Variants in DLC1 observed in about 807,000 individuals in gnomAD.
DLC1 encodes rho GTPase-activating protein 7.
DLC1 carries 54 observed loss-of-function variants against 140.3 expected under a neutral mutation model. That is an observed-to-expected ratio of 0.38 (90% CI 0.31 to 0.48). The LOEUF (loss-of-function observed/expected upper bound fraction) is 0.48, where lower values mean the gene tolerates loss of function less well. Ranked by LOEUF, DLC1 falls within the 20% of genes least tolerant of loss-of-function variation. DLC1 has a pLI of 0.96. For synonymous variants in DLC1, 986 were observed against 728.1 expected (o/e 1.35, Z -5.70); for missense variants, 2,536 against 1,907.0 (o/e 1.33, Z -6.14).
intron 1 of DLC1, among the ~76,000 whole-genome samples, chr8:13,577,967 A>C (rs1804904378): frequency 6.6e-6 from 1 of 152,050 alleles, no homozygotes; most frequent in Non-Finnish European, 1.5e-5. Context: ...TGGAAGCATG[A>C]ATGTTTATTC....
intron 5 of DLC1, among the ~76,000 whole-genome samples, chr8:13,254,368 G>A (rs1475942889): frequency 6.6e-6 from 1 of 152,074 alleles, no homozygotes; most frequent in East Asian, 1.9e-4. Context: ...CTGCAAGGAT[G>A]AACTTCTGGG....
intron 2 of DLC1, among the ~76,000 whole-genome samples, chr8:13,495,363 C>G (rs866104985): frequency 2.0e-5 from 3 of 152,138 alleles, no homozygotes; most frequent in Non-Finnish European, 2.9e-5. Flanking sequence ...TCTCCCTCCT[C>G]CAGACTACTT....
At chr8:13,492,271 G>C (rs1422555082) in intron 2 of DLC1, among the ~76,000 whole-genome samples, 1 of 151,992 alleles carries the variant, frequency 6.6e-6, no homozygotes, top group Non-Finnish European at 1.5e-5. Flanking sequence ...CAATGATTTA[G>C]CTCCATCAGC....
intron 2 of DLC1, among the ~76,000 whole-genome samples, chr8:13,468,657 G>A (rs73555472): frequency 0.096 from 14,587 of 151,610 alleles, 1,119 homozygotes; most frequent in African/African-American, 0.21. Context: ...TTACAGAGGT[G>A]CATCAGCATG....
At chr8:13,093,888 C>A (rs1214377433) in intron 12 of DLC1, among the ~76,000 whole-genome samples, 4 of 152,216 alleles carry the variant, frequency 2.6e-5, no homozygotes, top group African/African-American at 9.7e-5. Flanking sequence ...AAGCCATAAT[C>A]CTGATCTTGA....
intron 5 of DLC1, among the ~76,000 whole-genome samples, chr8:13,120,995 C>T (rs933450834): frequency 3.0e-4 from 45 of 152,198 alleles, no homozygotes; most frequent in Admixed American, 2.4e-3. Context: ...ATCTACCATT[C>T]GCTCTAGCTT....
chr8:13,572,380 G>C, intron 1 of DLC1, among the ~76,000 whole-genome samples: 1 of 152,058 alleles, frequency 6.6e-6, no homozygotes, highest in East Asian at 1.9e-4. Flanking sequence ...TTATATTTTG[G>C]ATAGTAAATT....
chr8:13,528,075 A>C (rs375830499), intron 1 of DLC1, among the ~76,000 whole-genome samples: 1 of 152,150 alleles, frequency 6.6e-6, no homozygotes, highest in South Asian at 2.1e-4. Context: ...TTAGATAAAT[A>C]ATGATTTATT....
At chr8:13,245,728 G>A (rs1273484269) in intron 5 of DLC1, among the ~76,000 whole-genome samples, 1 of 151,868 alleles carries the variant, frequency 6.6e-6, no homozygotes, top group African/African-American at 2.4e-5. Flanking sequence ...TTGAGACAGA[G>A]CTCACTCTGT....
At chr8:13,370,381 T>C (rs1835675422) in intron 4 of DLC1, among the ~76,000 whole-genome samples, 1 of 152,204 alleles carries the variant, frequency 6.6e-6, no homozygotes, top group African/African-American at 2.4e-5. Flanking sequence ...ACTGACTGAC[T>C]GAATGTTGGT....
At chr8:13,410,162 G>T (rs1185076864) in intron 2 of DLC1, among the ~76,000 whole-genome samples, 1 of 152,002 alleles carries the variant, frequency 6.6e-6, no homozygotes, top group African/African-American at 2.4e-5. Flanking sequence ...TTTTGCTAGT[G>T]ATTACAAACA....
Position 13,120,356 on chromosome 8 carries a change from A to AAAAAAAAATATATATATTTATAT in DLC1, c.1349-4700_1349-4699insATATAAATATATATATTTTTTTT. Among the ~76,000 whole-genome samples the AAAAAAAAATATATATATTTATAT allele has an allele frequency of 8.2e-5, 5 of 61,136 alleles. No individual in the cohort carries two copies. The South Asian group carries it at 3.7e-3, about 46-fold the overall frequency. 40.1% of individuals were successfully genotyped at this position (61,136 alleles called of 152,430 possible). A position where few individuals can be genotyped will look rare whatever the true frequency, so the allele number is the denominator to read the frequency against. On this transcript the variant is annotated intron_variant, in intron 5 of 17. Coordinates refer to ENST00000276297, the MANE Select transcript of DLC1 (RefSeq NM_182643.3). Reference sequence around the variant, plus strand: ...AGACTCCGTCGCAAAAAAAAAAAAAAATATATATATATATAAAATGTATAT... The same window carrying AAAAAAAAATATATATATTTATAT: ...AGACTCCGTCGCAAAAAAAAAAAAAAAAAAAAAATATATATATTTATATATATATATATATATAAAATGTATAT...
In DLC1 at chr8:13,410,652, TA is replaced by T. The variant is rs71207151; in HGVS notation, c.1024-9034del. On this transcript the variant is annotated intron_variant, in intron 2 of 17. Transcript: ENST00000276297. ...AAAAAAGAAATGAGCAAGACCATTA[TA>T]AAAAAAAAACAAAAATGTCACCAAA... Among the ~76,000 whole-genome samples, 139 of 147,752 alleles carry T rather than the reference TA, an allele frequency of 9.4e-4. 1 individual carries two copies. The highest frequency in any genetic ancestry group is 3.2e-3 in the African/African-American group (129 of 40,230).
intron 4 of DLC1, among the ~76,000 whole-genome samples, chr8:13,334,591 G>T (rs1833744511): frequency 6.6e-6 from 1 of 152,176 alleles, no homozygotes; most frequent in Non-Finnish European, 1.5e-5. Context: ...GCAAGGACAA[G>T]GCAAGAGGAA....
At chr8:13,471,198 T>C (rs997016382) in intron 2 of DLC1, among the ~76,000 whole-genome samples, 4 of 151,822 alleles carry the variant, frequency 2.6e-5, no homozygotes, top group African/African-American at 9.7e-5. Context: ...TTTTAATTAG[T>C]CTGGATGGAT....
chr8:13,168,199 G>A (rs10110673), intron 5 of DLC1, among the ~76,000 whole-genome samples: 62,391 of 151,982 alleles, frequency 0.41, 13,545 homozygotes, highest in East Asian at 0.83. Flanking sequence ...TTGACTGAGT[G>A]AAGAAGACAG....
intron 16 of DLC1, among the ~76,000 whole-genome samples, chr8:13,087,121 G>T (rs1454827484): frequency 1.3e-5 from 2 of 152,160 alleles, no homozygotes; most frequent in African/African-American, 4.8e-5. Context: ...CCCTCATTAG[G>T]CATGGTGGGT....
chr8:13,581,183 C>G (rs906504017), intron 1 of DLC1, among the ~76,000 whole-genome samples: 3 of 152,212 alleles, frequency 2.0e-5, no homozygotes, highest in East Asian at 3.8e-4. Context: ...TTATGCCTCA[C>G]TTTCAGTGTT....
rs747711073 is a variant in DLC1 at position 13,100,606 on chromosome 8, G to A, written c.1731C>T (p.Ser577=). 2 of 1,613,978 alleles carry A rather than the reference G, an allele frequency of 1.2e-6. No individual in the cohort carries two copies. Among genetic ancestry groups the A allele is most frequent in the Non-Finnish European group, 1.7e-6 (2 of 1,180,032 alleles). The change falls in exon 9 of 18, where the codon AGC becomes AGT. Residue 577 remains serine, a synonymous_variant. Transcript: ENST00000276297. Reference sequence around the variant, plus strand: ...TGAGGTCCATCAGCGTGCCTCCGGGGCTGGGGCCGTCCTTCGGGTGGGAGT... The same window carrying A: ...TGAGGTCCATCAGCGTGCCTCCGGGACTGGGGCCGTCCTTCGGGTGGGAGT... The part of the protein sequence containing the change: ...PDDSHPKDGP[S]PGGTLMDLSE...
Sources: allele counts gnomAD v4.1 joint callset (sites outside exome capture counted in the v4.1 genomes callset), GRCh38; gene constraint gnomAD v4.1.1; transcripts MANE v1.5; gene names NCBI Gene and HGNC (gene_info 2026-07-23, HGNC 2026-07-21).